Variants in SLIT2 observed in about 807,000 individuals in gnomAD.
SLIT2 encodes the protein slit guidance ligand 2, also known as slit homolog 2 protein.
In SLIT2, 41 loss-of-function variants were observed where a neutral mutation model predicts 185.7. That is an observed-to-expected ratio of 0.22 (90% CI 0.17 to 0.29). The LOEUF (loss-of-function observed/expected upper bound fraction) is 0.29. SLIT2 is among the 10% of genes least tolerant of loss of function. The pLI is 1.00. For synonymous variants in SLIT2, 693 were observed against 680.2 expected, an observed-to-expected ratio of 1.02 and a Z score of -0.29; for missense variants, 1,571 against 1,909.0, an observed-to-expected ratio of 0.82 and a Z score of 3.30.
intron 4 of SLIT2, among the ~76,000 whole-genome samples, chr4:20,321,317 T>C (rs962382625): frequency 2.0e-4 from 30 of 152,188 alleles, no homozygotes; most frequent in Non-Finnish European, 4.4e-4. Context: ...CACCACACTA[T>C]CTTTCGTATT....
rs774554939 is a variant in SLIT2, at chr4:20,528,525, G to C, written c.1463-424G>C. The C allele has an allele frequency of 2.0e-4, 70 of 351,356 alleles. No homozygotes were observed. The highest frequency in any genetic ancestry group is 3.4e-4 in the Non-Finnish European group (60 of 179,078). 21.8% of individuals were successfully genotyped at this position (351,356 alleles called of 1,614,324 possible). ...TAAAAAGTCCATAGAAAATTTAAAAGCCTGAGTATATCTATTTGCCTTGAA... is the reference window on the plus strand; with the variant it reads ...TAAAAAGTCCATAGAAAATTTAAAACCCTGAGTATATCTATTTGCCTTGAA... On this transcript the variant is annotated intron_variant, in intron 15 of 36. Transcript: ENST00000504154. The surrounding 1 kb of genome is among the most constrained non-coding windows in gnomAD (Gnocchi z 4.2).
intron 33 of SLIT2, among the ~76,000 whole-genome samples, chr4:20,604,189 A>G (rs1728616235): frequency 6.6e-6 from 1 of 152,232 alleles, no homozygotes; most frequent in Non-Finnish European, 1.5e-5. Context: ...TGGGAATTTT[A>G]TAGCCTGACA....
chr4:20,493,468 G>A (rs1210669975), intron 9 of SLIT2, among the ~76,000 whole-genome samples: 1 of 152,090 alleles, frequency 6.6e-6, no homozygotes, highest in African/African-American at 2.4e-5. Flanking sequence ...CCATCAAGTG[G>A]TTAGCAAATG....
intron 9 of SLIT2, among the ~76,000 whole-genome samples, chr4:20,506,974 A>G (rs1210861563): frequency 2.0e-5 from 3 of 152,018 alleles, no homozygotes; most frequent in Non-Finnish European, 4.4e-5. Context: ...TTGAAAATAG[A>G]TAAATGAATA....
chr4:20,380,208 T>A (rs1334948089), intron 4 of SLIT2, among the ~76,000 whole-genome samples: 16 of 152,178 alleles, frequency 1.1e-4, no homozygotes, highest in Admixed American at 1.0e-3. Context: ...TATGGTCAAA[T>A]TAGTCCCAGA....
At chr4:20,387,274 A>G (rs183508607) in intron 4 of SLIT2, among the ~76,000 whole-genome samples, 84 of 152,296 alleles carry the variant, frequency 5.5e-4, no homozygotes, top group Non-Finnish European at 1.0e-3. Flanking sequence ...AGTTATATCT[A>G]TTGATATTTA....
At position 20,467,735 on chromosome 4, in the gene SLIT2, G is replaced by A. The variant is rs761361634; in HGVS notation, c.396-17G>A. On this transcript the variant is annotated splice_polypyrimidine_tract_variant and intron_variant, in intron 4 of 36. Transcript: ENST00000504154. ...AATATTTTCTAACGTGATCCTTTTT[G>A]TTGTTGTTGTTTTTAGTGATCTCAG... The A allele has an allele frequency of 6.7e-7, 1 of 1,494,668 alleles. No individual in the cohort carries two copies. The highest frequency in any genetic ancestry group is 2.3e-5 in the East Asian group (1 of 43,786). The allele number at this position is 1,494,668 out of a possible 1,614,324, so 92.6% of individuals were successfully genotyped here.
In SLIT2 at chr4:20,620,501, C is replaced by A. The variant is rs1199769772; in HGVS notation, c.*1492C>A. ...ATAATTCAGTGTGCTTTGTCTTTCT[C>A]CAGATTAATATCGGTTACACTGCTG... On this transcript the variant is annotated 3_prime_UTR_variant, in exon 37 of 37. Transcript: ENST00000504154. The A allele has an allele frequency of 2.3e-6, 1 of 434,080 alleles. No individual in the cohort carries two copies. The highest frequency in any genetic ancestry group is 4.6e-6 in the Non-Finnish European group (1 of 219,724). 26.9% of individuals were successfully genotyped at this position (434,080 alleles called of 1,614,324 possible).
intron 4 of SLIT2, among the ~76,000 whole-genome samples, chr4:20,389,992 G>C (rs13142826): frequency 6.6e-6 from 1 of 151,880 alleles, no homozygotes; most frequent in African/African-American, 2.4e-5. Flanking sequence ...AAGAATCTCA[G>C]CTAGCTTTGT....
At chr4:20,545,848 A>C (rs1723200656) in intron 21 of SLIT2, among the ~76,000 whole-genome samples, 183 bp from the exon 22 acceptor site, 1 of 151,866 alleles carries the variant, frequency 6.6e-6, no homozygotes, top group South Asian at 2.1e-4. Context: ...GGACTCGTGG[A>C]CAACTCTGCT....
At chr4:20,584,326 C>T (rs1054322026) in intron 29 of SLIT2, among the ~76,000 whole-genome samples, 1 of 152,178 alleles carries the variant, frequency 6.6e-6, no homozygotes, top group Non-Finnish European at 1.5e-5. Context: ...AGAACAGTTA[C>T]TTCCTGAGGT....
At chr4:20,351,867 C>G (rs1181562966) in intron 4 of SLIT2, among the ~76,000 whole-genome samples, 3 of 152,096 alleles carry the variant, frequency 2.0e-5, no homozygotes, top group African/African-American at 7.2e-5. Flanking sequence ...AATGACAATG[C>G]AGTTTGTGTT....
At chr4:20,327,213 G>T (rs898371063) in intron 4 of SLIT2, among the ~76,000 whole-genome samples, 12 of 151,870 alleles carry the variant, frequency 7.9e-5, no homozygotes, top group African/African-American at 2.7e-4. Flanking sequence ...AGCAACATTT[G>T]CCAGAATATT....
intron 4 of SLIT2, among the ~76,000 whole-genome samples, chr4:20,458,392 G>T (rs1713326714): frequency 6.6e-6 from 1 of 152,088 alleles, no homozygotes; most frequent in African/African-American, 2.4e-5. Context: ...AAAGCTAGAA[G>T]GTACCATTTA....
At chr4:20,321,135 A>G (rs58669603) in intron 4 of SLIT2, among the ~76,000 whole-genome samples, 9,794 of 152,224 alleles carry the variant, frequency 0.064, 1,058 homozygotes, top group African/African-American at 0.22. Flanking sequence ...TCAAAAAACA[A>G]AACAAAACAA....
At chr4:20,483,423 T>C (rs966878041) in intron 6 of SLIT2, among the ~76,000 whole-genome samples, 15 of 152,206 alleles carry the variant, frequency 9.9e-5, no homozygotes, top group Admixed American at 9.8e-4. Context: ...CTGCATATTT[T>C]CTTAATATTT....
intron 30 of SLIT2, among the ~76,000 whole-genome samples, chr4:20,595,072 C>G (rs1488778106): frequency 6.6e-6 from 1 of 152,102 alleles, no homozygotes; most frequent in Non-Finnish European, 1.5e-5. Flanking sequence ...GAAAACTGTC[C>G]GTGGGATTGG....
chr4:20,367,964 T>C (rs1239105556), intron 4 of SLIT2, among the ~76,000 whole-genome samples: 3 of 152,018 alleles, frequency 2.0e-5, no homozygotes, highest in African/African-American at 7.2e-5. Context: ...CTTTTGAAGA[T>C]TGATTAGTTT....
chr4:20,612,334 A>G (rs1350399), intron 34 of SLIT2, among the ~76,000 whole-genome samples: 1 of 149,344 alleles, frequency 6.7e-6, no homozygotes, highest in Non-Finnish European at 1.5e-5. Context: ...GAGGAAAAAA[A>G]GTTTTAAATT....
Sources: allele counts gnomAD v4.1 joint callset (sites outside exome capture counted in the v4.1 genomes callset), GRCh38; gene constraint gnomAD v4.1.1; non-coding constraint Gnocchi (gnomAD v3.1); transcripts MANE v1.5; gene names NCBI Gene and HGNC (gene_info 2026-07-23, HGNC 2026-07-21).